TNFRSF11A: variants seen among roughly 807,000 people sequenced by gnomAD.
TNFRSF11A encodes the protein TNF receptor superfamily member 11a, also known as tumor necrosis factor receptor superfamily member 11A.
Under a neutral mutation model 55.7 loss-of-function variants are expected in TNFRSF11A, and 32 were observed. The observed-to-expected ratio is 0.57, with a 90% CI of 0.43 to 0.77. The LOEUF (loss-of-function observed/expected upper bound fraction) is 0.77, where lower values mean the gene tolerates loss of function less well. TNFRSF11A is among the 30% of genes least tolerant of loss of function. The pLI is 0.00. For synonymous variants in TNFRSF11A, 311 were observed against 331.0 expected, an observed-to-expected ratio of 0.94 and a Z score of 0.65; for missense variants, 753 against 809.8, an observed-to-expected ratio of 0.93 and a Z score of 0.85.
Position 62,386,335 on chromosome 18 carries a change from G to T in TNFRSF11A, c.*1301G>T, listed in dbSNP as rs45607736. On this transcript the variant is annotated 3_prime_UTR_variant, in exon 10 of 10. Coordinates refer to ENST00000586569, the MANE Select transcript of TNFRSF11A (RefSeq NM_003839.4). ...GATCCTCTTTTATTCGTAAATAATC[G>T]TGCATCTGTGGGTTAGCCTTGTAGA... is the stretch of plus-strand genomic sequence containing the variant. The T allele has an allele frequency of 6.6e-5, 10 of 152,258 alleles. No homozygotes were observed. In the East Asian group the frequency reaches 1.9e-3, roughly 29 times the overall value. The allele number at this position is 152,258 out of a possible 1,614,324, so 9.4% of individuals were successfully genotyped here.
intron 9 of TNFRSF11A, among the ~76,000 whole-genome samples, chr18:62,377,640 C>T (rs900962598): frequency 2.0e-5 from 3 of 152,188 alleles, no homozygotes; most frequent in African/African-American, 7.2e-5. Flanking sequence ...TCCCTAATGA[C>T]ATATGATGTG....
intron 8 of TNFRSF11A, 89 bp downstream of exon 8, chr18:62,366,849 C>A (rs945438416): frequency 4.8e-5 from 64 of 1,327,088 alleles, no homozygotes; most frequent in Non-Finnish European, 6.2e-5. Context: ...AGCACCCCCC[C>A]CCACCCCCAC....
intron 1 of TNFRSF11A, among the ~76,000 whole-genome samples, chr18:62,343,603 C>A (rs1422074171): frequency 6.6e-6 from 1 of 152,122 alleles, no homozygotes; most frequent in Non-Finnish European, 1.5e-5. Context: ...AATTTATTAT[C>A]TCCCCCGCCC....
intron 9 of TNFRSF11A, among the ~76,000 whole-genome samples, chr18:62,380,567 G>C (rs995498824): frequency 1.7e-4 from 25 of 150,940 alleles, no homozygotes; most frequent in African/African-American, 5.6e-4. Context: ...CTCCCGAGTA[G>C]CTGGGACTAC....
rs1421184022 is a variant in TNFRSF11A, at chr18:62,325,758, G to C, written c.75+331G>C. On this transcript the variant is annotated intron_variant, in intron 1 of 9. Coordinates refer to ENST00000586569, the MANE Select transcript of TNFRSF11A (RefSeq NM_003839.4). The surrounding 1 kb of genome is among the most constrained non-coding windows in gnomAD (Gnocchi z 4.7). ...TCTTGAGCACCTACTAAGCGCTTGCGCCGGGCGGTGCCGCGGGAGACAGCG... is the reference window on the plus strand; with the variant it reads ...TCTTGAGCACCTACTAAGCGCTTGCCCCGGGCGGTGCCGCGGGAGACAGCG... Among the ~76,000 whole-genome samples the C allele has an allele frequency of 1.3e-5, 2 of 152,210 alleles. No homozygotes were observed. Among genetic ancestry groups the C allele is most frequent in the Non-Finnish European group, 2.9e-5 (2 of 68,030 alleles).
At chr18:62,353,709 A>G (rs1909012080) in intron 3 of TNFRSF11A, among the ~76,000 whole-genome samples, 1 of 140,800 alleles carries the variant, frequency 7.1e-6, no homozygotes, top group Non-Finnish European at 1.6e-5. Context: ...TTTATAACAG[A>G]TACGTGTGTG....
chr18:62,349,575 G>A (rs1219930485), intron 2 of TNFRSF11A, among the ~76,000 whole-genome samples: 3 of 152,264 alleles, frequency 2.0e-5, no homozygotes, highest in African/African-American at 7.2e-5. Context: ...CAGGCTCAGC[G>A]GACCCAGGTG....
At chr18:62,337,018 A>AGG (rs1491294842) in intron 1 of TNFRSF11A, among the ~76,000 whole-genome samples, 1 of 151,258 alleles carries the variant, frequency 6.6e-6, no homozygotes, top group African/African-American at 2.5e-5. Flanking sequence ...CAAGGTGGTC[A>AGG]GAGGGGGAAA....
intron 9 of TNFRSF11A, among the ~76,000 whole-genome samples, chr18:62,379,036 G>C (rs1020078085): frequency 2.0e-5 from 3 of 152,198 alleles, no homozygotes; most frequent in Non-Finnish European, 2.9e-5. Context: ...AAAGAAGGCT[G>C]TTTGGCAGTT....
intron 9 of TNFRSF11A, 103 bp downstream of exon 9, chr18:62,369,587 A>G: frequency 4.2e-6 from 6 of 1,427,640 alleles, no homozygotes; most frequent in Non-Finnish European, 5.8e-6. Flanking sequence ...GCTAATGGGA[A>G]AACCTCAGCT....
intron 8 of TNFRSF11A, among the ~76,000 whole-genome samples, chr18:62,367,776 T>C (rs865856022): frequency 0.026 from 3,577 of 138,690 alleles, 123 homozygotes; most frequent in African/African-American, 0.044. Context: ...CTTTCTTTCT[T>C]TTCTTCTTCT....
intron 4 of TNFRSF11A, chr18:62,357,991 G>A: frequency 2.1e-6 from 1 of 482,720 alleles, no homozygotes; most frequent in Non-Finnish European, 3.8e-6. Flanking sequence ...CAGTGTTAGT[G>A]GCCTGACATC....
At position 62,325,368 on chromosome 18, in the gene TNFRSF11A, C is replaced by G. The variant is rs1008902580; in HGVS notation, c.16C>G (p.Arg6Gly). The change falls in exon 1 of 10, where the codon CGG (arginine) becomes GGG (glycine). Residue 6 changes from arginine to glycine, a missense_variant. Coordinates refer to ENST00000586569, the MANE Select transcript of TNFRSF11A (RefSeq NM_003839.4). The surrounding 1 kb of genome is among the most constrained non-coding windows in gnomAD (Gnocchi z 4.7). Reference protein sequence around the residue: MAPRARRRRPLFALLL... With the variant: MAPRAGRRRPLFALLL... ...GTCCCGCGCCATGGCCCCGCGCGCCCGGCGGCGCCGCCCGCTGTTCGCGCT... is the reference window on the plus strand; with the variant it reads ...GTCCCGCGCCATGGCCCCGCGCGCCGGGCGGCGCCGCCCGCTGTTCGCGCT... 8 of 1,043,052 alleles carry G rather than the reference C, an allele frequency of 7.7e-6. No individual in the cohort carries two copies. The African/African-American group carries it at 1.4e-4, about 18-fold the overall frequency. 64.6% of individuals were successfully genotyped at this position (1,043,052 alleles called of 1,614,324 possible). A position where few individuals can be genotyped will look rare whatever the true frequency, so the allele number is the denominator to read the frequency against.
rs55915942 is a variant in TNFRSF11A, at chr18:62,388,729, G to A, written c.*3695G>A. 7 of 152,300 alleles carry A rather than the reference G, an allele frequency of 4.6e-5. No individual in the cohort carries two copies. Among genetic ancestry groups the A allele is most frequent in the Non-Finnish European group, 1.0e-4 (7 of 68,032 alleles). 9.4% of individuals were successfully genotyped at this position (152,300 alleles called of 1,614,324 possible). A position where few individuals can be genotyped will look rare whatever the true frequency, so the allele number is the denominator to read the frequency against. Reference sequence around the variant, plus strand: ...AAATTCTTTCCAGAGCCAAATATAGGTGATTTGGGAATTGAGCCTACTGTA... The same window carrying A: ...AAATTCTTTCCAGAGCCAAATATAGATGATTTGGGAATTGAGCCTACTGTA... On this transcript the variant is annotated 3_prime_UTR_variant, in exon 10 of 10. Coordinates refer to ENST00000586569, the MANE Select transcript of TNFRSF11A (RefSeq NM_003839.4).
intron 5 of TNFRSF11A, among the ~76,000 whole-genome samples, chr18:62,359,007 C>G (rs1439607593): frequency 6.6e-6 from 1 of 152,166 alleles, no homozygotes; most frequent in Non-Finnish European, 1.5e-5. Flanking sequence ...TAGTGGAATT[C>G]ATGGGTCCTT....
chr18:62,374,621 T>C (rs1240473208), intron 9 of TNFRSF11A, among the ~76,000 whole-genome samples: 1 of 152,188 alleles, frequency 6.6e-6, no homozygotes, highest in African/African-American at 2.4e-5. Flanking sequence ...TAATAAGCTT[T>C]TGAGAAGAAA....
At chr18:62,340,363 C>T (rs2046294701) in intron 1 of TNFRSF11A, among the ~76,000 whole-genome samples, 1 of 151,894 alleles carries the variant, frequency 6.6e-6, no homozygotes. Context: ...GGTCCACAGG[C>T]ACACGCTACC....
chr18:62,374,758 GAAGCATCATTCTGATTATGA>G (rs1910774092), intron 9 of TNFRSF11A, among the ~76,000 whole-genome samples: 1 of 152,172 alleles, frequency 6.6e-6, no homozygotes, highest in South Asian at 2.1e-4. Context: ...GGACAAAGTA[GAAGCATCATTCTGATTATGA>G]TGGGAAACAT....
intron 7 of TNFRSF11A, among the ~76,000 whole-genome samples, chr18:62,362,160 C>T (rs531293108): frequency 2.0e-4 from 30 of 151,940 alleles, no homozygotes; most frequent in African/African-American, 7.2e-4. Context: ...TTTAGATGAC[C>T]GGTAGGGGGG....
Sources: allele counts gnomAD v4.1 joint callset (sites outside exome capture counted in the v4.1 genomes callset), GRCh38; gene constraint gnomAD v4.1.1; non-coding constraint Gnocchi (gnomAD v3.1); transcripts MANE v1.5; gene names NCBI Gene and HGNC (gene_info 2026-07-23, HGNC 2026-07-21).